C2CD2L: variants seen among roughly 807,000 people sequenced by gnomAD.
The protein encoded by C2CD2L is phospholipid transfer protein C2CD2L.
Under a neutral mutation model 69.9 loss-of-function variants are expected in C2CD2L, and 24 were observed. The ratio of observed to expected loss-of-function variants is 0.34; its 90% CI spans 0.25 to 0.48. The LOEUF (loss-of-function observed/expected upper bound fraction) is 0.48. C2CD2L is among the 20% of genes least tolerant of loss of function. C2CD2L has a pLI of 0.99. For synonymous variants in C2CD2L, 367 were observed against 391.0 expected, an observed-to-expected ratio of 0.94 and a Z score of 0.72; for missense variants, 811 against 941.5, an observed-to-expected ratio of 0.86 and a Z score of 1.81.
rs1226845822 is a variant in C2CD2L at position 119,110,862 on chromosome 11, G to C, written c.586G>C (p.Glu196Gln). The C allele has an allele frequency of 1.2e-6, 2 of 1,613,988 alleles. No homozygotes were observed. Among genetic ancestry groups the C allele is most frequent in the African/African-American group, 1.3e-5 (1 of 74,922 alleles). The change falls in exon 4 of 14, where the codon GAG becomes CAG. Residue 196 changes from glutamate to glutamine, a missense_variant. Physicochemically the swap from Glu to Gln is conservative, Grantham distance 29 (BLOSUM62 2). Coordinates refer to ENST00000648610, the MANE Select transcript of C2CD2L (RefSeq NM_001290474.2). The surrounding 1 kb of genome is among the most constrained non-coding windows in gnomAD (Gnocchi z 5.7). ...LPPTQLEVNL[E>Q]EIPGEGLLIS... ...CTGTCTGTAGTTGGAAGTCAACCTG[G>C]AGGAAATCCCTGGTGAGGGGCTGCT...
Position 119,107,891 on chromosome 11 carries a change from C to T in C2CD2L, c.150C>T (p.Pro50=). The change falls in exon 1 of 14, where the codon CCC becomes CCT. Residue 50 remains proline (P), a synonymous_variant. Coordinates refer to ENST00000648610, the MANE Select transcript of C2CD2L (RefSeq NM_001290474.2). The surrounding 1 kb of genome is among the most constrained non-coding windows in gnomAD (Gnocchi z 5.4). Reference sequence around the variant, plus strand: ...CCCGCGGGGACCGGGGCCCGGGACCCGCCTTAGCCGGGGAACCCGCGGGTT... The same window carrying T: ...CCCGCGGGGACCGGGGCCCGGGACCTGCCTTAGCCGGGGAACCCGCGGGTT... ...ARARGDRGPG[P]ALAGEPAGSL... 6.6e-7 allele frequency: 1 copy of T among 1,519,752 alleles called. No individual in the cohort carries two copies. Among genetic ancestry groups the T allele is most frequent in the Non-Finnish European group, 8.8e-7 (1 of 1,141,342 alleles). The allele number at this position is 1,519,752 out of a possible 1,614,324, so 94.1% of individuals were successfully genotyped here.
In C2CD2L at chr11:119,116,425, A is replaced by G. The variant is rs1946894761; in HGVS notation, c.*169A>G. ...TGGAAGGATACTTGGAACGGGAAGCACATGAGAGGTGGGCACCCGGTGCCG... is the reference window on the plus strand; with the variant it reads ...TGGAAGGATACTTGGAACGGGAAGCGCATGAGAGGTGGGCACCCGGTGCCG... On this transcript the variant is annotated 3_prime_UTR_variant, in exon 14 of 14. Transcript: ENST00000648610. The G allele has an allele frequency of 1.6e-6, 1 of 623,316 alleles. No individual in the cohort carries two copies. Among genetic ancestry groups the G allele is most frequent in the African/African-American group, 1.8e-5 (1 of 54,280 alleles). The allele number at this position is 623,316 out of a possible 1,614,324, so 38.6% of individuals were successfully genotyped here. A position where few individuals can be genotyped will look rare whatever the true frequency, so the allele number is the denominator to read the frequency against.
At position 119,116,313 on chromosome 11, in the gene C2CD2L, A is replaced by C; in HGVS notation, c.*57A>C. 1.5e-6 allele frequency: 2 copies of C among 1,367,458 alleles called. No homozygotes were observed. Among genetic ancestry groups the C allele is most frequent in the Non-Finnish European group, 2.1e-6 (2 of 962,448 alleles). The allele number at this position is 1,367,458 out of a possible 1,614,324, so 84.7% of individuals were successfully genotyped here. ...CAGCCCATTCCCCACCTCCCCTTCC[A>C]TACCCCTTCCTGGATCTCCAGTGCC... On this transcript the variant is annotated 3_prime_UTR_variant, in exon 14 of 14. Coordinates refer to ENST00000648610, the MANE Select transcript of C2CD2L (RefSeq NM_001290474.2).
In C2CD2L at chr11:119,114,614, T is replaced by C; in HGVS notation, c.1909+249T>C. On this transcript the variant is annotated intron_variant, in intron 13 of 13. Transcript: ENST00000648610. This position sits in a 1 kb window ranked among gnomAD's most constrained non-coding sequence, Gnocchi z 5.1. Reference sequence around the variant, plus strand: ...CTCCATTGTTCTTTCTTCCTGAGTCTAAGTGCCATTTTTCCTGCCCTTTAA... The same window carrying C: ...CTCCATTGTTCTTTCTTCCTGAGTCCAAGTGCCATTTTTCCTGCCCTTTAA... 3.8e-6 allele frequency: 2 copies of C among 524,114 alleles called. No individual in the cohort carries two copies. Among genetic ancestry groups the C allele is most frequent in the South Asian group, 4.6e-5 (2 of 43,502 alleles). 32.5% of individuals were successfully genotyped at this position (524,114 alleles called of 1,614,324 possible).
At position 119,118,095 on chromosome 11, in the gene C2CD2L, T is replaced by C. The variant is rs1946935799; in HGVS notation, c.*1839T>C. Reference sequence around the variant, plus strand: ...AGATTTTTTTTTTCAATTAGATAATTTAGTTTTATATATTTGGGGGGACAA... The same window carrying C: ...AGATTTTTTTTTTCAATTAGATAATCTAGTTTTATATATTTGGGGGGACAA... On this transcript the variant is annotated 3_prime_UTR_variant, in exon 14 of 14. Transcript: ENST00000648610. The C allele has an allele frequency of 6.6e-6, 1 of 152,036 alleles. No individual in the cohort carries two copies. The highest frequency in any genetic ancestry group is 2.4e-5 in the African/African-American group (1 of 41,372). 9.4% of individuals were successfully genotyped at this position (152,036 alleles called of 1,614,324 possible). A position where few individuals can be genotyped will look rare whatever the true frequency, so the allele number is the denominator to read the frequency against.
chr11:119,112,401 G>T lies in C2CD2L; in HGVS notation c.1084+9G>T. The stretch of plus-strand genomic sequence containing the variant: ...CAGCAGCTGTGGAGACAGTAAGTGA[G>T]GGGTGGGAGGGGCACCCCTGGGTGG... On this transcript the variant is annotated intron_variant, in intron 8 of 13. Coordinates refer to ENST00000648610, the MANE Select transcript of C2CD2L (RefSeq NM_001290474.2). 6.2e-7 allele frequency: 1 copy of T among 1,613,854 alleles called. No homozygotes were observed. Among genetic ancestry groups the T allele is most frequent in the Admixed American group, 1.7e-5 (1 of 60,008 alleles).
Position 119,111,284 on chromosome 11 carries a change from A to C in C2CD2L, c.820A>C (p.Met274Leu), listed in dbSNP as rs374161788. ...GGLVPSEKPP[M>L]MPQAQPAIPR... ...TTAGGTACCCAGTGAGAAGCCACCC[A>C]TGATGCCCCAGGCTCAGCCAGCCAT... The change falls in exon 6 of 14, where the codon ATG (methionine) becomes CTG (leucine). Residue 274 changes from methionine to leucine, a missense_variant. Transcript: ENST00000648610. The C allele has an allele frequency of 1.7e-4, 282 of 1,614,056 alleles. No homozygotes were observed. The highest frequency in any genetic ancestry group is 2.3e-4 in the Non-Finnish European group (277 of 1,180,020).
Position 119,110,510 on chromosome 11 carries a change from A to T in C2CD2L, c.451-51A>T. 6.3e-7 allele frequency: 1 copy of T among 1,583,628 alleles called. No homozygotes were observed. The highest frequency in any genetic ancestry group is 2.3e-5 in the East Asian group (1 of 44,004). ...TGCTGAACTATTACAGGGCAGTTCA[A>T]AGCAGGGTGAGCACCCTTCCCCCAC... On this transcript the variant is annotated intron_variant, in intron 2 of 13. Coordinates refer to ENST00000648610, the MANE Select transcript of C2CD2L (RefSeq NM_001290474.2). The surrounding 1 kb of genome is among the most constrained non-coding windows in gnomAD (Gnocchi z 5.7).
upstream of C2CD2L, among the ~76,000 whole-genome samples, chr11:119,105,647 G>GAA (rs112441104): frequency 2.4e-5 from 3 of 124,036 alleles, no homozygotes. Flanking sequence ...CAAGAAAAGA[G>GAA]AAAAAAAAAA....
chr11:119,108,142 A>C, intron 1 of C2CD2L, 47 bp downstream of exon 1: 1 of 1,351,466 alleles, frequency 7.4e-7, no homozygotes, highest in Non-Finnish European at 1.0e-6. Flanking sequence ...CTTTCCTTCC[A>C]GGGGAGGGAC....
chr11:119,109,604 A>G lies in C2CD2L; in HGVS notation c.355-500A>G, dbSNP rs889704907. On this transcript the variant is annotated intron_variant, in intron 1 of 13. Transcript: ENST00000648610. The surrounding 1 kb of genome is among the most constrained non-coding windows in gnomAD (Gnocchi z 5.1). The stretch of plus-strand genomic sequence containing the variant: ...CCTCCACATCTTATTTATTTGGAAG[A>G]AGGCTTAGCTTCATTTCTGCAGCTC... Among the ~76,000 whole-genome samples the G allele has an allele frequency of 6.6e-6, 1 of 152,168 alleles. No homozygotes were observed. The highest frequency in any genetic ancestry group is 1.5e-5 in the Non-Finnish European group (1 of 68,020).
chr11:119,115,650 T>G, intron 13 of C2CD2L: 1 of 303,624 alleles, frequency 3.3e-6, no homozygotes, highest in South Asian at 8.7e-5. Context: ...TTTCCCTTCA[T>G]GATTTATAGA....
intron 1 of C2CD2L, among the ~76,000 whole-genome samples, chr11:119,108,921 C>T (rs1946663931): frequency 6.6e-6 from 1 of 152,194 alleles, no homozygotes; most frequent in South Asian, 2.1e-4. Context: ...GAGGCTTTAC[C>T]TTACTAGTTC....
At position 119,114,129 on chromosome 11, in the gene C2CD2L, C is replaced by G. The variant is rs990045095; in HGVS notation, c.1673C>G (p.Ser558Cys). 1.2e-6 allele frequency: 2 copies of G among 1,614,024 alleles called. No homozygotes were observed. The highest frequency in any genetic ancestry group is 3.3e-5 in the Admixed American group (2 of 60,000). ...GCGCTATCCCTGGGCTATGCGGCAT[C>G]CCTGGAAGCCTCAGTGCAGGATGAT... is the stretch of plus-strand genomic sequence containing the variant. Reference protein sequence around the residue: ...ELALSLGYAASLEASVQDDAG... With the variant: ...ELALSLGYAACLEASVQDDAG... Residue 558 changes from serine to cysteine, a missense_variant, in exon 13 of 14, where the codon TCC (serine) becomes TGC (cysteine). By Grantham distance (112) the Ser-to-Cys change is moderately radical (BLOSUM62 -1). Transcript: ENST00000648610. This position sits in a 1 kb window ranked among gnomAD's most constrained non-coding sequence, Gnocchi z 5.1.
At chr11:119,108,390 T>A (rs187654207) in intron 1 of C2CD2L, 2 of 339,066 alleles carry the variant, frequency 5.9e-6, no homozygotes, top group Non-Finnish European at 5.3e-6. Context: ...CCGCCTTGCC[T>A]GGGTGCTGGT....
chr11:119,107,807 G>A lies in C2CD2L; in HGVS notation c.66G>A (p.Ser22=). ...CCTTGCTGATCCTCTTCGCCGCCTC[G>A]CTGCTCACGGTGTTCGCCTGGCTGC... is the stretch of plus-strand genomic sequence containing the variant. ...WAALLILFAA[S]LLTVFAWLLQ... The change falls in exon 1 of 14, where the codon TCG becomes TCA. Residue 22 remains serine (S), a synonymous_variant. Transcript: ENST00000648610. This position sits in a 1 kb window ranked among gnomAD's most constrained non-coding sequence, Gnocchi z 5.4. 6.4e-7 allele frequency: 1 copy of A among 1,550,508 alleles called. No individual in the cohort carries two copies. Among genetic ancestry groups the A allele is most frequent in the Non-Finnish European group, 8.6e-7 (1 of 1,160,468 alleles).
At chr11:119,102,973 A>G (rs1049120964), upstream of C2CD2L, among the ~76,000 whole-genome samples, 2 of 147,470 alleles carry the variant, frequency 1.4e-5, no homozygotes, top group African/African-American at 5.0e-5. Flanking sequence ...CCCAGGTTCA[A>G]GAGATTCTCC....
Position 119,107,958 on chromosome 11 carries a change from C to A in C2CD2L, c.217C>A (p.Arg73=). 6.5e-7 allele frequency: 1 copy of A among 1,545,870 alleles called. No homozygotes were observed. Among genetic ancestry groups the A allele is most frequent in the African/African-American group, 1.4e-5 (1 of 69,116 alleles). The change falls in exon 1 of 14, where the codon CGG becomes AGG. Residue 73 remains arginine, a synonymous_variant. Transcript: ENST00000648610. This position sits in a 1 kb window ranked among gnomAD's most constrained non-coding sequence, Gnocchi z 5.4. ...LGVWRSLLRL[R]ATRAGAAEEP... ...CGTGTGGCGCTCGCTGCTGCGGCTG[C>A]GGGCGACTCGGGCTGGCGCCGCCGA...
chr11:119,112,630 G>T (rs1946779268), intron 9 of C2CD2L, 21 bp downstream of exon 9: 22 of 1,607,342 alleles, frequency 1.4e-5, no homozygotes, highest in Non-Finnish European at 1.9e-5. Flanking sequence ...GACCCCTGGG[G>T]TAGGTGGGAG....
Sources: gnomAD v4.1 joint callset for allele counts (sites outside exome capture counted in the v4.1 genomes callset) on GRCh38, gnomAD v4.1.1 for gene constraint, Gnocchi (gnomAD v3.1) non-coding constraint, MANE v1.5 for transcripts, NCBI Gene and HGNC (gene_info 2026-07-23, HGNC 2026-07-21) for gene names.